The following CPSF4L variants were observed in gnomAD, a reference collection of about 807,000 sequenced individuals.
CPSF4L encodes the protein cleavage and polyadenylation specific factor 4 like.
CPSF4L carries 18 observed loss-of-function variants against 24.0 expected under a neutral mutation model. The ratio of observed to expected loss-of-function variants is 0.75; its 90% CI spans 0.52 to 1.11. The LOEUF (loss-of-function observed/expected upper bound fraction) is 1.11. Ranked by LOEUF, CPSF4L falls within the 50% of genes least tolerant of loss-of-function variation. The probability of loss-of-function intolerance (pLI) is 0.00; values close to 1 mark genes in which losing one functional copy is unlikely to be tolerated. For synonymous variants in CPSF4L, 72 were observed against 77.2 expected, an observed-to-expected ratio of 0.93 and a Z score of 0.35; for missense variants, 211 against 221.8, an observed-to-expected ratio of 0.95 and a Z score of 0.31.
At chr17:73,248,706 G>T (rs1044514800) in intron 5 of CPSF4L, 170 bp from the exon 6 acceptor site, 1 of 692,444 alleles carries the variant, frequency 1.4e-6, no homozygotes. Context: ...GGACATGCCT[G>T]AATACCCCGG....
chr17:73,243,077 A>ATT, the CPSF4L span: 386 of 437,556 alleles, frequency 8.8e-4, no homozygotes, highest in South Asian at 1.9e-3. Context: ...GATTCTCTGA[A>ATT]TTTTTTTTTT....
chr17:73,250,106 TAAAC>T, intron 5 of CPSF4L: 1 of 682,886 alleles, frequency 1.5e-6, no homozygotes, highest in Non-Finnish European at 2.2e-6. Context: ...TCAAAAGAAA[TAAAC>T]CTGCCTGCCA....
chr17:73,242,221 G>C, the CPSF4L span: 3 of 1,494,612 alleles, frequency 2.0e-6, no homozygotes, highest in Admixed American at 4.0e-5. Context: ...AACAATGACA[G>C]TGACTTCTGT....
chr17:73,247,351 TTAAG>T (rs773632454), downstream of CPSF4L: 2 of 1,614,056 alleles, frequency 1.2e-6, no homozygotes, highest in South Asian at 1.1e-5. Flanking sequence ...GGAAGCACGT[TTAAG>T]TAGGAGAAGC....
At chr17:73,260,388 G>A (rs2062040502) in intron 2 of CPSF4L, among the ~76,000 whole-genome samples, 1 of 152,160 alleles carries the variant, frequency 6.6e-6, no homozygotes, top group Non-Finnish European at 1.5e-5. Context: ...TATGAAGACT[G>A]CTGCTGAGGC....
upstream of CPSF4L, among the ~76,000 whole-genome samples, chr17:73,262,678 G>A (rs902796831): frequency 1.3e-5 from 2 of 152,226 alleles, no homozygotes; most frequent in African/African-American, 4.8e-5. Flanking sequence ...GCATGTTAGG[G>A]CTCTAATTAG....
At chr17:73,243,058 CCTCCAAGGGATT>C in the CPSF4L span, 1 of 1,231,526 alleles carries the variant, frequency 8.1e-7, no homozygotes, top group South Asian at 1.3e-5. Flanking sequence ...GTTATGTGGA[CCTCCAAGGGATT>C]CTCTGAATTT....
chr17:73,258,091 G>A (rs187538292), intron 2 of CPSF4L, among the ~76,000 whole-genome samples: 8 of 151,506 alleles, frequency 5.3e-5, no homozygotes, highest in Non-Finnish European at 1.0e-4. Flanking sequence ...CTCACTGCAA[G>A]CTCCGCCTCC....
downstream of CPSF4L, chr17:73,247,771 A>T (rs868355480): frequency 1.9e-3 from 314 of 162,548 alleles, 1 homozygote; most frequent in African/African-American, 7.0e-3. Flanking sequence ...AAACAACAAA[A>T]AGTCTCCACT....
At chr17:73,253,844 C>A in intron 4 of CPSF4L, 87 bp downstream of exon 4, 1 of 812,480 alleles carries the variant, frequency 1.2e-6, no homozygotes, top group South Asian at 1.7e-5. Context: ...AAGGCACAGC[C>A]TCATCAGGAA....
intron 3 of CPSF4L, among the ~76,000 whole-genome samples, chr17:73,254,973 T>C (rs1290092775): frequency 1.3e-5 from 2 of 152,154 alleles, no homozygotes; most frequent in African/African-American, 4.8e-5. Flanking sequence ...CTCTTAGATT[T>C]CTCTTAGGAA....
At chr17:73,263,209 T>C (rs991658655), upstream of CPSF4L, among the ~76,000 whole-genome samples, 1 of 152,186 alleles carries the variant, frequency 6.6e-6, no homozygotes, top group Non-Finnish European at 1.5e-5. Flanking sequence ...CACAGAAGCC[T>C]GGCAGCGCAG....
chr17:73,245,270 T>G (rs183485274), downstream of CPSF4L: 132 of 1,544,798 alleles, frequency 8.5e-5, no homozygotes, highest in African/African-American at 1.7e-3. Context: ...ACTTAACAGT[T>G]TAAAAATGTA....
At chr17:73,242,431 G>A in the CPSF4L span, 1 of 906,820 alleles carries the variant, frequency 1.1e-6, no homozygotes, top group South Asian at 1.8e-5. Flanking sequence ...TGTTAAGCAA[G>A]GCTAAAGAGG....
downstream of CPSF4L, chr17:73,245,379 A>G: frequency 7.7e-7 from 1 of 1,293,168 alleles, no homozygotes; most frequent in Non-Finnish European, 9.9e-7. Context: ...ATTAATATAG[A>G]CAGATCTGGT....
downstream of CPSF4L, chr17:73,247,480 G>A: frequency 1.3e-6 from 1 of 762,924 alleles, no homozygotes. Context: ...AAGGTTATCA[G>A]GAGCATTTGT....
the CPSF4L span, among the ~76,000 whole-genome samples, chr17:73,242,588 A>G: frequency 2.0e-5 from 3 of 152,112 alleles, no homozygotes; most frequent in Non-Finnish European, 2.9e-5. Flanking sequence ...CCTACCCCCA[A>G]CTTTCCCTTG....
At chr17:73,250,211 T>C in intron 5 of CPSF4L, 2 of 1,544,716 alleles carry the variant, frequency 1.3e-6, no homozygotes, top group East Asian at 4.9e-5. Flanking sequence ...AGTAAGACCA[T>C]TGAGCATCTT....
downstream of CPSF4L, among the ~76,000 whole-genome samples, chr17:73,243,548 C>CT (rs111267869): frequency 0.15 from 19,827 of 134,994 alleles, 1,622 homozygotes; most frequent in Non-Finnish European, 0.18. Context: ...TTCATGTTGT[C>CT]TTTTTTTTTT....
Sources: allele counts gnomAD v4.1 joint callset (sites outside exome capture counted in the v4.1 genomes callset), GRCh38; gene constraint gnomAD v4.1.1; transcripts MANE v1.5; gene names NCBI Gene and HGNC (gene_info 2026-07-23, HGNC 2026-07-21).